The following CLVS1 variants were observed in gnomAD, a reference collection of about 807,000 sequenced individuals.
CLVS1 encodes the protein clavesin-1.
A neutral mutation model predicts 33.1 loss-of-function variants in CLVS1; 10 were observed. The ratio of observed to expected loss-of-function variants is 0.30; its 90% CI spans 0.19 to 0.51. CLVS1 has a LOEUF of 0.51. CLVS1 is among the 20% of genes least tolerant of loss of function. The pLI is 0.97. For missense variants in CLVS1, 343 were observed against 433.4 expected, an observed-to-expected ratio of 0.79 and a Z score of 1.85; for synonymous variants, 163 against 166.1, an observed-to-expected ratio of 0.98 and a Z score of 0.14.
At chr8:61,033,040 A>G in the CLVS1 span, among the ~76,000 whole-genome samples, 127 of 117,290 alleles carry the variant, frequency 1.1e-3, 2 homozygotes, top group Middle Eastern at 4.4e-3. Context: ...AAAGAAAGAA[A>G]GAAAGAAAAA....
At chr8:61,203,071 T>C in intron 2 of CLVS1, 1 of 1,305,720 alleles carries the variant, frequency 7.7e-7, no homozygotes, top group South Asian at 1.2e-5. Context: ...GACCTAGTTC[T>C]GTAAAAGACA....
exon 1 of CLVS1, chr8:61,057,190 G>A (rs796466553): frequency 2.2e-4 from 33 of 152,292 alleles, no homozygotes; most frequent in African/African-American, 7.5e-4. Flanking sequence ...AAGAGGTAAG[G>A]CCTTCAGTCA....
intron 1 of CLVS1, among the ~76,000 whole-genome samples, chr8:61,068,199 G>GTGTATA (rs1554531422): frequency 1.4e-3 from 133 of 97,822 alleles, no homozygotes; most frequent in East Asian, 6.2e-3. Flanking sequence ...ATGTGTATAT[G>GTGTATA]TATATATATA....
At chr8:61,483,710 G>T (rs192075865) in intron 5 of CLVS1, among the ~76,000 whole-genome samples, 13 of 152,264 alleles carry the variant, frequency 8.5e-5, no homozygotes, top group Admixed American at 2.0e-4. Flanking sequence ...TAAAATACTG[G>T]CAAACTGAAT....
chr8:61,309,296 C>G (rs988209498), intron 2 of CLVS1, among the ~76,000 whole-genome samples: 1 of 152,120 alleles, frequency 6.6e-6, no homozygotes. Flanking sequence ...GGAATGAATC[C>G]GAGTCTCCAT....
At chr8:61,330,804 G>A (rs1214384544) in intron 2 of CLVS1, among the ~76,000 whole-genome samples, 4 of 152,032 alleles carry the variant, frequency 2.6e-5, no homozygotes, top group Non-Finnish European at 4.4e-5. Flanking sequence ...ATTGTGTGGT[G>A]CTGGACTGGG....
chr8:61,477,030 C>T (rs1400492000), intron 5 of CLVS1, among the ~76,000 whole-genome samples: 1 of 152,094 alleles, frequency 6.6e-6, no homozygotes, highest in East Asian at 1.9e-4. Flanking sequence ...TTATCAAAGG[C>T]CTTTTCTGCA....
chr8:61,019,612 TATC>T, the CLVS1 span, among the ~76,000 whole-genome samples: 1 of 152,172 alleles, frequency 6.6e-6, no homozygotes, highest in African/African-American at 2.4e-5. Context: ...ACTCTCCCAT[TATC>T]ATTCTAGAAT....
chr8:61,252,048 T>G (rs556072566), intron 2 of CLVS1, among the ~76,000 whole-genome samples: 21 of 152,186 alleles, frequency 1.4e-4, no homozygotes, highest in Non-Finnish European at 2.4e-4. Flanking sequence ...TCTCTTGTGG[T>G]CATTTAGTGC....
At chr8:61,200,169 G>A (rs1275559110) in intron 2 of CLVS1, among the ~76,000 whole-genome samples, 2 of 151,962 alleles carry the variant, frequency 1.3e-5, no homozygotes, top group Non-Finnish European at 2.9e-5. Context: ...CCCAGGCTGG[G>A]GTGCAGTGGT....
chr8:61,024,643 A>G, the CLVS1 span, among the ~76,000 whole-genome samples: 1 of 152,138 alleles, frequency 6.6e-6, no homozygotes, highest in African/African-American at 2.4e-5. Context: ...GTTTCAACAT[A>G]GCAACAGATG....
chr8:61,466,877 G>C (rs1048991710), intron 5 of CLVS1, among the ~76,000 whole-genome samples: 7 of 152,112 alleles, frequency 4.6e-5, no homozygotes, highest in African/African-American at 1.7e-4. Flanking sequence ...TCGAACTCCT[G>C]ATCTCAGGTG....
intron 1 of CLVS1, among the ~76,000 whole-genome samples, chr8:61,100,709 C>T (rs1052655752): frequency 6.6e-6 from 1 of 152,160 alleles, no homozygotes; most frequent in African/African-American, 2.4e-5. Context: ...CCTTAGCCAT[C>T]GTTCCCAATC....
Position 61,212,727 on chromosome 8 carries a change from G to A in CLVS1, c.-152+80867G>A, listed in dbSNP as rs189981311. ...ACAGAGCGGGTGTGAATAAGGTGAAGTTCTAGGGAAGACAGAAGATGGGGA... is the reference window on the plus strand; with the variant it reads ...ACAGAGCGGGTGTGAATAAGGTGAAATTCTAGGGAAGACAGAAGATGGGGA... On this transcript the variant is annotated intron_variant, in intron 2 of 2. Transcript: ENST00000522621. Among the ~76,000 whole-genome samples, 15 of 152,302 alleles carry A rather than the reference G, an allele frequency of 9.8e-5. No individual in the cohort carries two copies. The East Asian group carries it at 2.7e-3, about 27-fold the overall frequency.
At chr8:61,210,207 G>C (rs926762580) in intron 2 of CLVS1, among the ~76,000 whole-genome samples, 5 of 152,200 alleles carry the variant, frequency 3.3e-5, no homozygotes, top group African/African-American at 1.2e-4. Context: ...TTAAGGGCTT[G>C]CCCTAATGAC....
At chr8:61,125,130 C>T (rs1420313318) in intron 1 of CLVS1, among the ~76,000 whole-genome samples, 5 of 152,140 alleles carry the variant, frequency 3.3e-5, no homozygotes, top group Non-Finnish European at 7.4e-5. Flanking sequence ...CGAGATGACA[C>T]ACTTTGCTCA....
At chr8:61,454,443 C>T (rs1484093228) in intron 4 of CLVS1, among the ~76,000 whole-genome samples, 192 bp downstream of exon 4, 5 of 151,932 alleles carry the variant, frequency 3.3e-5, no homozygotes, top group Admixed American at 3.3e-4. Flanking sequence ...ATTAATAATT[C>T]AGTAGAACTG....
chr8:61,306,760 C>T (rs1040839202), intron 2 of CLVS1, among the ~76,000 whole-genome samples: 5 of 152,198 alleles, frequency 3.3e-5, no homozygotes, highest in African/African-American at 1.2e-4. Context: ...ATTTACATCC[C>T]CTCCAACAAT....
intron 1 of CLVS1, among the ~76,000 whole-genome samples, chr8:61,063,069 A>T (rs1804609267): frequency 6.6e-6 from 1 of 152,184 alleles, no homozygotes; most frequent in Non-Finnish European, 1.5e-5. Context: ...CTTAGGCCTA[A>T]AAAAGGTTAA....
Sources: allele counts gnomAD v4.1 joint callset (sites outside exome capture counted in the v4.1 genomes callset), GRCh38; gene constraint gnomAD v4.1.1; transcripts MANE v1.5; gene names NCBI Gene and HGNC (gene_info 2026-07-23, HGNC 2026-07-21).